Variants in PCDH15 observed in about 807,000 individuals in gnomAD.
The protein encoded by PCDH15 is protocadherin-15.
Under a neutral mutation model 178.5 loss-of-function variants are expected in PCDH15, and 129 were observed. The ratio of observed to expected loss-of-function variants is 0.72; its 90% confidence interval spans 0.63 to 0.84. The LOEUF is 0.84. PCDH15 is among the 40% of genes least tolerant of loss of function. PCDH15 has a pLI of 0.00. For missense variants in PCDH15, 2,230 were observed against 2,099.9 expected, an observed-to-expected ratio of 1.06 and a Z score of -1.21; for synonymous variants, 800 against 732.0, an observed-to-expected ratio of 1.09 and a Z score of -1.50.
chr10:54,202,651 A>G (rs537038765), intron 10 of PCDH15, among the ~76,000 whole-genome samples: 1 of 152,086 alleles, frequency 6.6e-6, no homozygotes, highest in African/African-American at 2.4e-5. Flanking sequence ...TGTGTCTACT[A>G]AAAATACACA....
chr10:55,229,452 G>GA (rs899131910), intron 1 of PCDH15, among the ~76,000 whole-genome samples: 1 of 151,096 alleles, frequency 6.6e-6, no homozygotes, highest in African/African-American at 2.4e-5. Context: ...TACACTAAAA[G>GA]AAAAAAATAC....
chr10:54,794,358 C>G (rs767763922), intron 1 of PCDH15, among the ~76,000 whole-genome samples: 7 of 151,498 alleles, frequency 4.6e-5, no homozygotes, highest in Admixed American at 1.3e-4. Flanking sequence ...GAATATTGTT[C>G]TATCCTTAGC....
chr10:54,230,772 A>G (rs2053972356), intron 9 of PCDH15, among the ~76,000 whole-genome samples: 2 of 152,132 alleles, frequency 1.3e-5, no homozygotes, highest in African/African-American at 2.4e-5. Flanking sequence ...GAAAAATTAG[A>G]AAAAATACTG....
intron 2 of PCDH15, among the ~76,000 whole-genome samples, chr10:54,642,786 A>G (rs2094022275): frequency 6.6e-6 from 1 of 152,188 alleles, no homozygotes; most frequent in African/African-American, 2.4e-5. Context: ...AAAGTTTTAC[A>G]TTTGGTAATA....
chr10:54,498,973 T>C (rs994761638), intron 3 of PCDH15, among the ~76,000 whole-genome samples: 2 of 151,942 alleles, frequency 1.3e-5, no homozygotes, highest in Non-Finnish European at 2.9e-5. Context: ...AACAACCAGA[T>C]CTCATGAGAA....
At chr10:54,685,828 T>A (rs1278228530) in intron 1 of PCDH15, among the ~76,000 whole-genome samples, 1 of 152,132 alleles carries the variant, frequency 6.6e-6, no homozygotes, top group Non-Finnish European at 1.5e-5. Flanking sequence ...ATATAGTATG[T>A]GACTGATTGA....
chr10:54,795,002 T>A (rs1013694637), intron 1 of PCDH15, among the ~76,000 whole-genome samples: 2 of 151,862 alleles, frequency 1.3e-5, no homozygotes, highest in African/African-American at 4.8e-5. Flanking sequence ...TTTATCATAA[T>A]CTGCCTTATA....
chr10:54,516,708 A>G (rs2082259139), intron 3 of PCDH15, among the ~76,000 whole-genome samples: 2 of 151,592 alleles, frequency 1.3e-5, no homozygotes, highest in African/African-American at 4.8e-5. Flanking sequence ...AAATACAGAG[A>G]ACGCCACAAA....
At chr10:54,160,911 G>A (rs1263008094) in intron 13 of PCDH15, among the ~76,000 whole-genome samples, 1 of 152,186 alleles carries the variant, frequency 6.6e-6, no homozygotes, top group African/African-American at 2.4e-5. Flanking sequence ...CAGAGAGGAT[G>A]TAGTGGGTGG....
At chr10:55,377,146 T>TA (rs398054373) in intron 2 of PCDH15, among the ~76,000 whole-genome samples, 16,286 of 105,176 alleles carry the variant, frequency 0.15, 956 homozygotes, top group East Asian at 0.26. Flanking sequence ...CTTTCTTCAC[T>TA]AAAAAAAAAA....
At chr10:54,576,066 C>G (rs2090446099) in intron 2 of PCDH15, among the ~76,000 whole-genome samples, 1 of 152,020 alleles carries the variant, frequency 6.6e-6, no homozygotes. Context: ...AACAAACAAA[C>G]AAGCTCTATT....
At chr10:54,697,044 G>T (rs1238766657) in intron 1 of PCDH15, among the ~76,000 whole-genome samples, 5 of 151,874 alleles carry the variant, frequency 3.3e-5, no homozygotes, top group Admixed American at 6.6e-5. Flanking sequence ...TGTGTAGCTG[G>T]GATTACAAAT....
intron 1 of PCDH15, among the ~76,000 whole-genome samples, chr10:54,711,433 G>T (rs2095427121): frequency 1.3e-5 from 2 of 151,856 alleles, no homozygotes; most frequent in Non-Finnish European, 2.9e-5. Flanking sequence ...TTTATAGGGA[G>T]TATATTGTCA....
At chr10:55,527,092 C>T (rs1841317186) in intron 2 of PCDH15, among the ~76,000 whole-genome samples, 2 of 151,986 alleles carry the variant, frequency 1.3e-5, no homozygotes, top group Admixed American at 1.3e-4. Context: ...TTTTTTCCTA[C>T]CTTGTTAAAA....
chr10:55,144,005 G>A (rs998249230), intron 2 of PCDH15, among the ~76,000 whole-genome samples: 1 of 39,964 alleles, frequency 2.5e-5, no homozygotes, highest in Admixed American at 2.9e-4. Flanking sequence ...GTCCTATCTT[G>A]GGTGTAAGGG....
intron 2 of PCDH15, among the ~76,000 whole-genome samples, chr10:55,052,966 G>A (rs906890481): frequency 1.2e-4 from 18 of 152,068 alleles, no homozygotes; most frequent in African/African-American, 4.1e-4. Flanking sequence ...AACATTTCAG[G>A]GAAGGACTGT....
intron 23 of PCDH15, among the ~76,000 whole-genome samples, chr10:53,954,871 C>T (rs1477894738): frequency 6.6e-6 from 1 of 152,174 alleles, no homozygotes; most frequent in Non-Finnish European, 1.5e-5. Context: ...TGTTTCTATT[C>T]TATCATTAGC....
chr10:53,904,353 C>A (rs554402167), intron 25 of PCDH15, among the ~76,000 whole-genome samples: 1 of 151,792 alleles, frequency 6.6e-6, no homozygotes, highest in East Asian at 1.9e-4. Flanking sequence ...GCCTCCTGTA[C>A]AATTTTAAGT....
chr10:55,036,092 A>C (rs560556565), intron 2 of PCDH15, among the ~76,000 whole-genome samples: 1 of 152,280 alleles, frequency 6.6e-6, no homozygotes, highest in Admixed American at 6.5e-5. Context: ...CTCCACTCTC[A>C]TCAGTGGATT....
Sources: allele counts gnomAD v4.1 joint callset (sites outside exome capture counted in the v4.1 genomes callset), GRCh38; gene constraint gnomAD v4.1.1; transcripts MANE v1.5; gene names NCBI Gene and HGNC (gene_info 2026-07-23, HGNC 2026-07-21).